Variants in LSAMP observed in about 807,000 individuals in gnomAD.
LSAMP encodes limbic system associated membrane protein.
LSAMP carries 7 observed loss-of-function variants against 38.6 expected under a neutral mutation model. That is an observed-to-expected ratio of 0.18 (90% CI 0.10 to 0.34). The LOEUF is 0.34. Among genes scored for constraint, LSAMP ranks in the 10% least tolerant of loss-of-function variants. The pLI, the probability that LSAMP is intolerant of heterozygous loss-of-function variation, is 1.00. For synonymous variants in LSAMP, 154 were observed against 166.8 expected, an observed-to-expected ratio of 0.92 and a Z score of 0.59; for missense variants, 313 against 420.0, an observed-to-expected ratio of 0.75 and a Z score of 2.23.
intron 1 of LSAMP, among the ~76,000 whole-genome samples, chr3:116,439,728 A>G (rs1309794209): frequency 6.6e-6 from 1 of 152,058 alleles, no homozygotes; most frequent in Non-Finnish European, 1.5e-5. Context: ...ATTTTTATTT[A>G]TTTATTTATT....
At chr3:115,896,742 C>T (rs1936737997) in intron 3 of LSAMP, among the ~76,000 whole-genome samples, 1 of 152,082 alleles carries the variant, frequency 6.6e-6, no homozygotes, top group Non-Finnish European at 1.5e-5. Context: ...AAATTGGTCT[C>T]ATGGTATGCA....
chr3:116,284,850 C>T (rs1159129539), intron 1 of LSAMP, among the ~76,000 whole-genome samples: 3 of 152,120 alleles, frequency 2.0e-5, no homozygotes, highest in Admixed American at 6.5e-5. Context: ...TCCACAAGTT[C>T]ATCCAGAATA....
rs148132232 is a variant in LSAMP at position 116,314,741 on chromosome 3, G to A, written c.155+130136C>T. Among the ~76,000 whole-genome samples, 723 of 152,230 alleles carry A rather than the reference G, an allele frequency of 4.7e-3. 4 individuals carry two copies. The highest frequency in any genetic ancestry group is 0.016 in the African/African-American group (685 of 41,532). ...CTGCGTGCTTAGCTGGACCATTAGT[G>A]CTGCTATTTTTAGAGCTGTCAACAT... On this transcript the variant is annotated intron_variant, in intron 1 of 6. Coordinates refer to ENST00000490035, the MANE Select transcript of LSAMP (RefSeq NM_002338.5).
Position 116,252,161 on chromosome 3 carries a change from C to T in LSAMP, c.156-165605G>A, listed in dbSNP as rs551988113. On this transcript the variant is annotated intron_variant, in intron 1 of 6. Transcript: ENST00000490035. ...GACCAAGGGGTCCCTGTATACACAG[C>T]CTATCCTATGCCACATGTGTGCCAA... is the stretch of plus-strand genomic sequence containing the variant. Among the ~76,000 whole-genome samples the T allele has an allele frequency of 2.6e-4, 40 of 152,272 alleles. 2 individuals are homozygous for T. The South Asian group carries it at 6.8e-3, about 26-fold the overall frequency.
intron 3 of LSAMP, among the ~76,000 whole-genome samples, chr3:115,992,016 T>A (rs1376454884): frequency 6.6e-6 from 1 of 152,070 alleles, no homozygotes; most frequent in African/African-American, 2.4e-5. Flanking sequence ...TGTCTTGTTT[T>A]GAAAGGGGGC....
At chr3:115,830,263 C>T (rs934078485) in intron 6 of LSAMP, among the ~76,000 whole-genome samples, 1 of 152,108 alleles carries the variant, frequency 6.6e-6, no homozygotes, top group African/African-American at 2.4e-5. Flanking sequence ...TCTCACTGTG[C>T]TAAGCATATT....
intron 2 of LSAMP, among the ~76,000 whole-genome samples, chr3:116,066,268 A>G (rs1707426337): frequency 6.6e-6 from 1 of 152,146 alleles, no homozygotes; most frequent in Non-Finnish European, 1.5e-5. Flanking sequence ...TCACTTCCCA[A>G]ATACCACATT....
intron 1 of LSAMP, among the ~76,000 whole-genome samples, chr3:116,187,700 A>AAG (rs1710652840): frequency 6.6e-6 from 1 of 152,140 alleles, no homozygotes; most frequent in Non-Finnish European, 1.5e-5. Flanking sequence ...TTCCCAGCAC[A>AAG]TAGCTTCTTT....
At chr3:116,119,091 T>G (rs1440718823) in intron 1 of LSAMP, among the ~76,000 whole-genome samples, 1 of 152,218 alleles carries the variant, frequency 6.6e-6, no homozygotes, top group Non-Finnish European at 1.5e-5. Context: ...CCATTTCACA[T>G]TTTATTTCTA....
chr3:116,209,019 T>G (rs1275293485), intron 1 of LSAMP, among the ~76,000 whole-genome samples: 1 of 152,186 alleles, frequency 6.6e-6, no homozygotes, highest in Non-Finnish European at 1.5e-5. Flanking sequence ...CCTTGCAGTT[T>G]GATCTCAGAC....
At chr3:116,208,442 G>A (rs1161771190) in intron 1 of LSAMP, among the ~76,000 whole-genome samples, 2 of 152,182 alleles carry the variant, frequency 1.3e-5, no homozygotes, top group Admixed American at 1.3e-4. Context: ...CGTTGCTGGT[G>A]AGGAACTGCA....
chr3:116,074,067 G>T (rs1462623274), intron 2 of LSAMP, among the ~76,000 whole-genome samples: 1 of 152,122 alleles, frequency 6.6e-6, no homozygotes, highest in Non-Finnish European at 1.5e-5. Flanking sequence ...TTCCATATAA[G>T]CTCACTGGTA....
At chr3:115,962,852 G>GCT (rs1938674520) in intron 3 of LSAMP, among the ~76,000 whole-genome samples, 1 of 152,126 alleles carries the variant, frequency 6.6e-6, no homozygotes, top group African/African-American at 2.4e-5. Flanking sequence ...GCCTCAGAGG[G>GCT]CACCCAGTCT....
chr3:116,334,401 A>G (rs549692546), intron 1 of LSAMP, among the ~76,000 whole-genome samples: 66 of 152,288 alleles, frequency 4.3e-4, no homozygotes, highest in African/African-American at 1.5e-3. Flanking sequence ...CGAAGCCAGC[A>G]TTACACTGAT....
At chr3:116,288,460 T>A (rs1359960064) in intron 1 of LSAMP, among the ~76,000 whole-genome samples, 1 of 152,216 alleles carries the variant, frequency 6.6e-6, no homozygotes, top group Non-Finnish European at 1.5e-5. Flanking sequence ...GTTCATTGCT[T>A]CACATATGGT....
At position 116,291,490 on chromosome 3, in the gene LSAMP, G is replaced by A. The variant is rs115290790; in HGVS notation, c.155+153387C>T. Among the ~76,000 whole-genome samples the A allele has an allele frequency of 3.7e-3, 557 of 152,226 alleles. 5 individuals are homozygous for A. Among genetic ancestry groups the A allele is most frequent in the African/African-American group, 0.013 (540 of 41,544 alleles). ...AAGTGCTTTGGCCTAGATGATACTT[G>A]GAATGTTTTCAATTTCTCATATTCT... is the stretch of plus-strand genomic sequence containing the variant. On this transcript the variant is annotated intron_variant, in intron 1 of 6. Coordinates refer to ENST00000490035, the MANE Select transcript of LSAMP (RefSeq NM_002338.5).
chr3:115,960,281 A>T (rs1327246020), intron 3 of LSAMP, among the ~76,000 whole-genome samples: 1 of 152,210 alleles, frequency 6.6e-6, no homozygotes, highest in Non-Finnish European at 1.5e-5. Context: ...AAAACACAGA[A>T]CAACCTACAA....
At chr3:116,442,297 A>C (rs1160111257) in intron 1 of LSAMP, among the ~76,000 whole-genome samples, 1 of 151,846 alleles carries the variant, frequency 6.6e-6, no homozygotes, top group Non-Finnish European at 1.5e-5. Context: ...TTGCCATCTC[A>C]TATCATTCGG....
intron 2 of LSAMP, among the ~76,000 whole-genome samples, chr3:116,085,671 A>G (rs1194053109): frequency 6.6e-6 from 1 of 152,166 alleles, no homozygotes; most frequent in African/African-American, 2.4e-5. Context: ...TGTGAGTGCC[A>G]TTTAAGGTTT....
Sources: allele counts gnomAD v4.1 joint callset (sites outside exome capture counted in the v4.1 genomes callset), GRCh38; gene constraint gnomAD v4.1.1; transcripts MANE v1.5; gene names NCBI Gene and HGNC (gene_info 2026-07-23, HGNC 2026-07-21).